Variants in EDA observed in about 807,000 individuals in gnomAD.
The protein encoded by EDA is ectodysplasin-A.
EDA carries 2 observed loss-of-function variants against 23.6 expected under a neutral mutation model. The ratio of observed to expected loss-of-function variants is 0.08; its 90% CI spans 0.03 to 0.27. The LOEUF is 0.27. Ranked by LOEUF, EDA falls within the 10% of genes least tolerant of loss-of-function variation. The pLI is 1.00. For synonymous variants in EDA, 131 were observed against 132.0 expected, an observed-to-expected ratio of 0.99 and a Z score of 0.05; for missense variants, 229 against 324.2, an observed-to-expected ratio of 0.71 and a Z score of 2.26.
chrX:69,692,296 A>G (rs1934734677), intron 1 of EDA, among the ~76,000 whole-genome samples: 1 of 111,697 alleles, frequency 9.0e-6, no homozygotes, highest in Non-Finnish European at 1.9e-5. Context: ...GAAACTCTCT[A>G]GCCCAGCCTG....
At chrX:69,666,440 A>T (rs1256350519) in intron 1 of EDA, among the ~76,000 whole-genome samples, 1 of 112,670 alleles carries the variant, frequency 8.9e-6, no homozygotes, top group Admixed American at 9.4e-5. Context: ...GTTTTTCATA[A>T]AATGGCCTTA....
intron 1 of EDA, among the ~76,000 whole-genome samples, chrX:69,785,797 G>C (rs1286800542): frequency 9.4e-6 from 1 of 106,432 alleles, no homozygotes; most frequent in Non-Finnish European, 2.0e-5. Context: ...TCAGGATGAT[G>C]CTGGCCTCAT....
At chrX:69,911,254 G>A (rs1432089583) in intron 1 of EDA, among the ~76,000 whole-genome samples, 4 of 111,721 alleles carry the variant, frequency 3.6e-5, no homozygotes, top group African/African-American at 1.3e-4. Context: ...GTTAGCCAGC[G>A]ATTCAGACAG....
intron 1 of EDA, among the ~76,000 whole-genome samples, chrX:69,873,924 A>G (rs986048161): frequency 2.7e-5 from 3 of 112,224 alleles, no homozygotes; most frequent in African/African-American, 9.7e-5. Flanking sequence ...AAAATCCTCA[A>G]CAAAATACTA....
At chrX:69,864,975 C>T (rs762724329) in intron 1 of EDA, among the ~76,000 whole-genome samples, 4 of 110,234 alleles carry the variant, frequency 3.6e-5, no homozygotes, top group African/African-American at 1.3e-4. Flanking sequence ...GGTGACAGAG[C>T]GAGACTCCAT....
intron 1 of EDA, among the ~76,000 whole-genome samples, chrX:69,942,403 TTGTC>T (rs1414633422): frequency 9.0e-6 from 1 of 111,575 alleles, no homozygotes; most frequent in African/African-American, 3.3e-5. Flanking sequence ...CAGCTTTTGT[TTGTC>T]TGGGAAAGTC....
chrX:69,655,762 C>CTA (rs3077261), intron 1 of EDA, among the ~76,000 whole-genome samples: 2,653 of 52,325 alleles, frequency 0.051, 212 homozygotes, highest in African/African-American at 0.059. Context: ...TCATTAGAAT[C>CTA]TATATATATA....
At chrX:69,773,176 G>A (rs1407956897) in intron 1 of EDA, among the ~76,000 whole-genome samples, 1 of 112,000 alleles carries the variant, frequency 8.9e-6, no homozygotes, top group African/African-American at 3.2e-5. Flanking sequence ...ACACCTTTAC[G>A]ATTAGCTTCT....
intron 1 of EDA, among the ~76,000 whole-genome samples, chrX:69,919,349 A>G (rs1364002043): frequency 8.9e-6 from 1 of 112,311 alleles, no homozygotes; most frequent in Non-Finnish European, 1.9e-5. Flanking sequence ...AACAGAATAC[A>G]TATTTCAGGG....
intron 2 of EDA, among the ~76,000 whole-genome samples, chrX:69,958,437 A>C (rs1238411977): frequency 9.2e-6 from 1 of 109,288 alleles, no homozygotes; most frequent in Non-Finnish European, 1.9e-5. Context: ...TGGAGCCAGG[A>C]CTTTGTCAGT....
rs189126375 is a variant in EDA, at chrX:69,709,935, A to T, written c.396+93231A>T. ...GAGTAGATTGCAAAAATTTTCTCCCATTCTGTAGGTTGCCTGTTCACTCTA... is the reference window on the plus strand; with the variant it reads ...GAGTAGATTGCAAAAATTTTCTCCCTTTCTGTAGGTTGCCTGTTCACTCTA... On this transcript the variant is annotated intron_variant, in intron 1 of 7. Coordinates refer to ENST00000374552, the MANE Select transcript of EDA (RefSeq NM_001399.5). 6.6e-4 allele frequency among the ~76,000 whole-genome samples: 73 copies of T among 111,218 alleles called. No individual in the cohort carries two copies. The East Asian group carries it at 0.012, about 19-fold the overall frequency.
chrX:69,781,873 G>A (rs1286570244), intron 1 of EDA, among the ~76,000 whole-genome samples: 4 of 110,911 alleles, frequency 3.6e-5, no homozygotes, highest in Non-Finnish European at 7.5e-5. Context: ...GGTAGGTATA[G>A]TATCAAAATG....
intron 1 of EDA, among the ~76,000 whole-genome samples, chrX:69,734,295 A>C (rs2804366): frequency 0.32 from 35,142 of 110,120 alleles, 5,019 homozygotes; most frequent in Middle Eastern, 0.57. Context: ...CCTCTCTTCT[A>C]TTCCTGGTAT....
intron 1 of EDA, among the ~76,000 whole-genome samples, chrX:69,956,353 T>TC (rs2147418008): frequency 9.7e-6 from 1 of 103,234 alleles, no homozygotes; most frequent in East Asian, 3.0e-4. Context: ...TTTTTTTTTT[T>TC]TTTTTTTTAC....
chrX:69,782,362 C>G (rs1402756396), intron 1 of EDA, among the ~76,000 whole-genome samples: 1 of 55,289 alleles, frequency 1.8e-5, no homozygotes, highest in African/African-American at 7.2e-5. Flanking sequence ...ACATTAAATG[C>G]TCTTAAAAAA....
At chrX:69,900,009 C>T (rs1226880489) in intron 1 of EDA, among the ~76,000 whole-genome samples, 2 of 111,123 alleles carry the variant, frequency 1.8e-5, no homozygotes, top group South Asian at 3.8e-4. Flanking sequence ...CCAAAGTTTC[C>T]TCATCTGAAA....
At chrX:69,753,540 G>C (rs1180310249) in intron 1 of EDA, among the ~76,000 whole-genome samples, 1 of 112,154 alleles carries the variant, frequency 8.9e-6, no homozygotes, top group Non-Finnish European at 1.9e-5. Flanking sequence ...GTGCTGAGAA[G>C]AATGTATATT....
chrX:69,927,848 T>C (rs1334166322), intron 1 of EDA, among the ~76,000 whole-genome samples: 1 of 111,168 alleles, frequency 9.0e-6, no homozygotes, highest in Admixed American at 9.6e-5. Context: ...TGCAAACTTG[T>C]CTTTCTCCCT....
intron 1 of EDA, among the ~76,000 whole-genome samples, chrX:69,954,662 G>A (rs772363119): frequency 9.0e-6 from 1 of 111,545 alleles, no homozygotes; most frequent in African/African-American, 3.3e-5. Context: ...GCTATTACGG[G>A]GTTTTTTTAG....
Sources: allele counts gnomAD v4.1 joint callset (sites outside exome capture counted in the v4.1 genomes callset), GRCh38; gene constraint gnomAD v4.1.1; transcripts MANE v1.5; gene names NCBI Gene and HGNC (gene_info 2026-07-23, HGNC 2026-07-21).